Variants in SLC24A2 observed in about 807,000 individuals in gnomAD.
SLC24A2 encodes the protein solute carrier family 24 member 2.
In SLC24A2, 36 loss-of-function variants were observed where a neutral mutation model predicts 62.0. That is an observed-to-expected ratio of 0.58 (90% CI 0.44 to 0.77). SLC24A2 has a LOEUF of 0.77. SLC24A2 is among the 30% of genes least tolerant of loss of function. The pLI, the probability that SLC24A2 is intolerant of heterozygous loss-of-function variation, is 0.00. For missense variants in SLC24A2, 846 were observed against 817.9 expected, an observed-to-expected ratio of 1.03 and a Z score of -0.42; for synonymous variants, 358 against 294.0, an observed-to-expected ratio of 1.22 and a Z score of -2.23.
chr9:20,094,682 A>C, the SLC24A2 span, among the ~76,000 whole-genome samples: 6 of 152,224 alleles, frequency 3.9e-5, no homozygotes, highest in African/African-American at 1.2e-4. Flanking sequence ...AAAAGTGTAA[A>C]AATTCAAAAG....
At chr9:19,850,946 C>CATATATATATATATATATATATATACAT in the SLC24A2 span, among the ~76,000 whole-genome samples, 1 of 24,720 alleles carries the variant, frequency 4.0e-5, no homozygotes, top group African/African-American at 1.1e-4. Context: ...TATATATATA[C>CATATATATATATATATATATATATACAT]ATATATATAT....
At chr9:20,194,738 A>G in the SLC24A2 span, among the ~76,000 whole-genome samples, 11 of 151,804 alleles carry the variant, frequency 7.2e-5, no homozygotes, top group African/African-American at 2.7e-4. Flanking sequence ...TCATTTCTCT[A>G]CTTTTTCTAA....
chr9:20,216,036 A>G, the SLC24A2 span, among the ~76,000 whole-genome samples: 1 of 152,184 alleles, frequency 6.6e-6, no homozygotes, highest in East Asian at 1.9e-4. Context: ...ACAGCAGGGG[A>G]AACCCATTAA....
chr9:19,787,479 A>T (rs1823209456), intron 1 of SLC24A2, among the ~76,000 whole-genome samples: 1 of 152,190 alleles, frequency 6.6e-6, no homozygotes, highest in Non-Finnish European at 1.5e-5. Flanking sequence ...TTTTGGTCCA[A>T]TTACATAATT....
chr9:20,305,938 C>T, the SLC24A2 span, among the ~76,000 whole-genome samples: 1 of 152,194 alleles, frequency 6.6e-6, no homozygotes, highest in African/African-American at 2.4e-5. Flanking sequence ...CATCTTCTCC[C>T]TCTGCCTTCA....
At chr9:20,054,971 G>C in the SLC24A2 span, among the ~76,000 whole-genome samples, 1 of 152,162 alleles carries the variant, frequency 6.6e-6, no homozygotes, top group Non-Finnish European at 1.5e-5. Context: ...AACTACTTTG[G>C]TGAATTAGTG....
chr9:19,521,557 A>G (rs1317711950), intron 9 of SLC24A2, among the ~76,000 whole-genome samples: 3 of 152,210 alleles, frequency 2.0e-5, no homozygotes, highest in Non-Finnish European at 4.4e-5. Flanking sequence ...TATAATTTCC[A>G]CTGGAATCTC....
the SLC24A2 span, among the ~76,000 whole-genome samples, chr9:20,219,106 A>C: frequency 6.6e-6 from 1 of 152,204 alleles, no homozygotes; most frequent in Admixed American, 6.5e-5. Context: ...ACAATCCCCT[A>C]TTTTTGAGTT....
At chr9:19,893,768 T>C in the SLC24A2 span, among the ~76,000 whole-genome samples, 1 of 152,150 alleles carries the variant, frequency 6.6e-6, no homozygotes, top group African/African-American at 2.4e-5. Flanking sequence ...TAAAACAAAA[T>C]GTGAGTTGTA....
the SLC24A2 span, among the ~76,000 whole-genome samples, chr9:19,797,345 TTC>T: frequency 0.05 from 7,624 of 152,302 alleles, 223 homozygotes; most frequent in African/African-American, 0.079. Flanking sequence ...TCCCTGAAGT[TTC>T]TGTTTCCCAC....
the SLC24A2 span, among the ~76,000 whole-genome samples, chr9:20,034,862 T>A: frequency 1.3e-5 from 2 of 152,324 alleles, no homozygotes; most frequent in Non-Finnish European, 2.9e-5. Flanking sequence ...GAAAAAAAGA[T>A]TCCATTTTAA....
the SLC24A2 span, among the ~76,000 whole-genome samples, chr9:20,219,574 G>C: frequency 1.3e-5 from 2 of 152,294 alleles, no homozygotes; most frequent in African/African-American, 4.8e-5. Context: ...ATTCTTAATA[G>C]TGCCTTCGTT....
rs571147451 is a variant in SLC24A2 at position 19,599,350 on chromosome 9, G to A, written c.1079-2071C>T. Among the ~76,000 whole-genome samples, 2 of 152,268 alleles carry A rather than the reference G, an allele frequency of 1.3e-5. No individual in the cohort carries two copies. The highest frequency in any genetic ancestry group is 2.4e-5 in the African/African-American group (1 of 41,568). On this transcript the variant is annotated intron_variant, in intron 4 of 10. Transcript: ENST00000341998. The surrounding 1 kb of genome is among the most constrained non-coding windows in gnomAD (Gnocchi z 4.5). ...GAGACTGAAGAACAAGAACTAGGCA[G>A]AACATAACAAAAATGAGTCTAATGA...
chr9:19,677,220 A>T (rs1819585635), intron 2 of SLC24A2, among the ~76,000 whole-genome samples: 1 of 152,252 alleles, frequency 6.6e-6, no homozygotes, highest in Admixed American at 6.5e-5. Context: ...AAAATGTAGT[A>T]CGTATACACA....
At chr9:19,888,871 C>T in the SLC24A2 span, among the ~76,000 whole-genome samples, 1 of 152,164 alleles carries the variant, frequency 6.6e-6, no homozygotes, top group African/African-American at 2.4e-5. Flanking sequence ...CCCATGAGGA[C>T]AATCTGGAAT....
the SLC24A2 span, among the ~76,000 whole-genome samples, chr9:19,900,848 A>G: frequency 6.6e-6 from 1 of 152,182 alleles, no homozygotes; most frequent in Non-Finnish European, 1.5e-5. Context: ...CTCTTCATCA[A>G]TGGAAGAGTG....
At chr9:19,982,113 G>A in the SLC24A2 span, among the ~76,000 whole-genome samples, 1 of 152,134 alleles carries the variant, frequency 6.6e-6, no homozygotes, top group Non-Finnish European at 1.5e-5. Context: ...AGAAGTGTCT[G>A]GGAAGACTTC....
intron 2 of SLC24A2, among the ~76,000 whole-genome samples, chr9:19,695,694 A>C (rs891965414): frequency 6.6e-6 from 1 of 151,470 alleles, no homozygotes; most frequent in Non-Finnish European, 1.5e-5. Flanking sequence ...AAAAAAAAAA[A>C]AAAAAAAAAC....
chr9:20,052,516 G>A, the SLC24A2 span, among the ~76,000 whole-genome samples: 3 of 152,142 alleles, frequency 2.0e-5, no homozygotes, highest in African/African-American at 7.2e-5. Context: ...ATCTTCTTCT[G>A]TTCCCGTTTT....
Sources: allele counts gnomAD v4.1 joint callset (sites outside exome capture counted in the v4.1 genomes callset), GRCh38; gene constraint gnomAD v4.1.1; non-coding constraint Gnocchi (gnomAD v3.1); transcripts MANE v1.5; gene names NCBI Gene and HGNC (gene_info 2026-07-23, HGNC 2026-07-21).